The following POFUT3 variants were observed in gnomAD, a reference collection of about 807,000 sequenced individuals.
POFUT3 encodes the protein GDP-fucose protein O-fucosyltransferase 3.
chr8:33,345,599 C>A, the POFUT3 span, among the ~76,000 whole-genome samples: 1 of 151,062 alleles, frequency 6.6e-6, no homozygotes, highest in Admixed American at 6.6e-5. Context: ...CAGGGTTTCA[C>A]CATGTTGACC....
At chr8:33,377,199 T>C in the POFUT3 span, among the ~76,000 whole-genome samples, 1 of 148,360 alleles carries the variant, frequency 6.7e-6, no homozygotes, top group Non-Finnish European at 1.5e-5. Flanking sequence ...ACCATTGCAC[T>C]CCAGCCCAGG....
At chr8:33,321,837 C>A in the POFUT3 span, among the ~76,000 whole-genome samples, 1 of 152,098 alleles carries the variant, frequency 6.6e-6, no homozygotes, top group East Asian at 1.9e-4. Context: ...CTCGGGGCAG[C>A]TTTCCTTGAT....
chr8:33,399,734 A>G, the POFUT3 span, among the ~76,000 whole-genome samples: 1 of 151,860 alleles, frequency 6.6e-6, no homozygotes, highest in Non-Finnish European at 1.5e-5. Flanking sequence ...AGCTCACTGC[A>G]ACCTCCCCTA....
chr8:33,422,725 T>C, the POFUT3 span, among the ~76,000 whole-genome samples: 4 of 152,018 alleles, frequency 2.6e-5, no homozygotes, highest in African/African-American at 9.7e-5. Flanking sequence ...CTACAGTCAA[T>C]ACCTACAATA....
At chr8:33,312,744 A>T in the POFUT3 span, among the ~76,000 whole-genome samples, 5 of 152,102 alleles carry the variant, frequency 3.3e-5, no homozygotes. Flanking sequence ...CATACCTTTT[A>T]TCAAATCCCC....
chr8:33,349,020 C>T, the POFUT3 span, among the ~76,000 whole-genome samples: 7 of 152,208 alleles, frequency 4.6e-5, no homozygotes, highest in Non-Finnish European at 8.8e-5. Flanking sequence ...TGAACTTCAT[C>T]TGAGCTGAGA....
the POFUT3 span, among the ~76,000 whole-genome samples, chr8:33,366,381 T>A: frequency 6.6e-6 from 1 of 152,092 alleles, no homozygotes; most frequent in African/African-American, 2.4e-5. Context: ...GTTGTGTACA[T>A]GTACCCTAGA....
the POFUT3 span, among the ~76,000 whole-genome samples, chr8:33,325,666 T>C: frequency 6.6e-6 from 1 of 152,094 alleles, no homozygotes; most frequent in African/African-American, 2.4e-5. Flanking sequence ...TACAAGAATA[T>C]CTCCTGGTCT....
chr8:33,368,882 CAG>C, the POFUT3 span, among the ~76,000 whole-genome samples: 1 of 152,170 alleles, frequency 6.6e-6, no homozygotes, highest in Admixed American at 6.5e-5. Context: ...TGGGAAGAGT[CAG>C]AGAATAATTT....
At chr8:33,309,167 AATATATATATATATATATAT>A in the POFUT3 span, among the ~76,000 whole-genome samples, 278 of 53,684 alleles carry the variant, frequency 5.2e-3, 11 homozygotes, top group African/African-American at 0.025. Flanking sequence ...AAAAAAAAAA[AATATATATATATATATATAT>A]ATATATATAT....
the POFUT3 span, among the ~76,000 whole-genome samples, chr8:33,462,782 T>C: frequency 6.6e-6 from 1 of 151,988 alleles, no homozygotes; most frequent in Non-Finnish European, 1.5e-5. Flanking sequence ...ATTTTACAAA[T>C]TAGCTGGGCA....
the POFUT3 span, chr8:33,338,717 C>T: frequency 6.6e-6 from 1 of 152,114 alleles, no homozygotes; most frequent in African/African-American, 2.4e-5. Flanking sequence ...TGAAGAGTTC[C>T]CTCCTCGGGT....
At chr8:33,345,092 C>A in the POFUT3 span, among the ~76,000 whole-genome samples, 10 of 152,310 alleles carry the variant, frequency 6.6e-5, no homozygotes, top group Admixed American at 1.3e-4. Context: ...CAGTAGATTT[C>A]TTATGGACTA....
chr8:33,409,815 G>T, the POFUT3 span, among the ~76,000 whole-genome samples: 1 of 152,214 alleles, frequency 6.6e-6, no homozygotes, highest in Admixed American at 6.5e-5. Context: ...TGAGGCAGGA[G>T]AATGGCGTGA....
the POFUT3 span, among the ~76,000 whole-genome samples, chr8:33,376,003 T>A: frequency 7.0e-6 from 1 of 143,424 alleles, no homozygotes; most frequent in African/African-American, 2.6e-5. Context: ...GGTGAGAGAG[T>A]GAGACTCCAT....
chr8:33,370,169 T>TCA, the POFUT3 span, among the ~76,000 whole-genome samples: 1 of 39,864 alleles, frequency 2.5e-5, no homozygotes, highest in Non-Finnish European at 5.3e-5. Flanking sequence ...CCATCTTTAC[T>TCA]AAAAAAAAAA....
the POFUT3 span, among the ~76,000 whole-genome samples, chr8:33,391,401 T>C: frequency 6.6e-6 from 1 of 152,244 alleles, no homozygotes; most frequent in Admixed American, 6.5e-5. Flanking sequence ...TCCTTGTTTA[T>C]TGGCATTTGC....
the POFUT3 span, among the ~76,000 whole-genome samples, chr8:33,449,529 A>G: frequency 1.3e-5 from 2 of 151,982 alleles, no homozygotes; most frequent in South Asian, 4.2e-4. Context: ...ACCTCAGGTG[A>G]TCTGCCCACC....
the POFUT3 span, among the ~76,000 whole-genome samples, chr8:33,333,967 T>G: frequency 6.6e-6 from 1 of 152,282 alleles, no homozygotes; most frequent in South Asian, 2.1e-4. Flanking sequence ...AGTTCTTCTC[T>G]CCTTCATTTT....
Sources: gnomAD v4.1 joint callset for allele counts (sites outside exome capture counted in the v4.1 genomes callset) on GRCh38, gnomAD v4.1.1 for gene constraint, MANE v1.5 for transcripts, NCBI Gene and HGNC (gene_info 2026-07-23, HGNC 2026-07-21) for gene names.